The following TNR variants were observed in gnomAD, a reference collection of about 807,000 sequenced individuals.
The protein encoded by TNR is tenascin-R.
A neutral mutation model predicts 150.4 loss-of-function variants in TNR; 45 were observed. The ratio of observed to expected loss-of-function variants is 0.30; its 90% CI spans 0.24 to 0.38. The LOEUF (loss-of-function observed/expected upper bound fraction) is 0.38. TNR is among the 10% of genes least tolerant of loss of function. The pLI is 1.00. For missense variants in TNR, 1,544 were observed against 1,759.1 expected (o/e 0.88, Z 2.19); for synonymous variants, 687 against 678.4 (o/e 1.01, Z -0.20).
At chr1:175,741,760 G>A (rs911996627) in intron 1 of TNR, among the ~76,000 whole-genome samples, 4 of 152,292 alleles carry the variant, frequency 2.6e-5, no homozygotes, top group Non-Finnish European at 5.9e-5. Flanking sequence ...CCCAGCCAGA[G>A]GCAGAGAGTA....
At chr1:175,367,123 A>G in intron 10 of TNR, 85 bp downstream of exon 10, 1 of 1,236,636 alleles carries the variant, frequency 8.1e-7, no homozygotes, top group Non-Finnish European at 1.2e-6. Context: ...TTGCTTTCTG[A>G]TTAATTTTTG....
rs766024631 is a variant in TNR, at chr1:175,508,652, G to A, written c.-64+19617C>T. On this transcript the variant is annotated intron_variant, in intron 2 of 22. Coordinates refer to ENST00000367674, the MANE Select transcript of TNR (RefSeq NM_003285.3). ...TGAGAAGAGGCCCTCGAGGACCCATGGGTGTGCGTGGGAGCAAATCTTTCT... is the reference window on the plus strand; with the variant it reads ...TGAGAAGAGGCCCTCGAGGACCCATAGGTGTGCGTGGGAGCAAATCTTTCT... 7.2e-5 allele frequency among the ~76,000 whole-genome samples: 11 copies of A among 152,214 alleles called. 1 individual carries two copies. Among genetic ancestry groups the A allele is most frequent in the Admixed American group, 2.0e-4 (3 of 15,288 alleles).
rs550275244 is a variant in TNR at position 175,574,828 on chromosome 1, A to G, written c.-164-46459T>C. On this transcript the variant is annotated intron_variant, in intron 1 of 22. Transcript: ENST00000367674. ...AGGCACGGAAGGCAGATCAAAGGCC[A>G]AGAAAGCACATGAGCTCCGTTCTGC... 2.0e-5 allele frequency among the ~76,000 whole-genome samples: 3 copies of G among 152,380 alleles called. No homozygotes were observed. In the South Asian group the frequency reaches 6.2e-4, roughly 32 times the overall value.
rs1214824811 is a variant in TNR at position 175,321,264 on chromosome 1, C to T, written c.*2093G>A. On this transcript the variant is annotated 3_prime_UTR_variant, in exon 23 of 23. Transcript: ENST00000367674. ...GGTTATGCCTGTCACATCCACACTGCCGCAGTGAACAAAGCCTAGAAGCCT... is the reference window on the plus strand; with the variant it reads ...GGTTATGCCTGTCACATCCACACTGTCGCAGTGAACAAAGCCTAGAAGCCT... The T allele has an allele frequency of 6.6e-6, 1 of 152,228 alleles. No homozygotes were observed. Among genetic ancestry groups the T allele is most frequent in the Admixed American group, 6.5e-5 (1 of 15,280 alleles). The allele number at this position is 152,228 out of a possible 1,614,324, so 9.4% of individuals were successfully genotyped here. A position where few individuals can be genotyped will look rare whatever the true frequency, so the allele number is the denominator to read the frequency against.
rs114133151 is a variant in TNR, at chr1:175,619,252, T to G, written c.-164-90883A>C. Among the ~76,000 whole-genome samples the G allele has an allele frequency of 5.2e-3, 788 of 152,244 alleles. 5 individuals are homozygous for G. The highest frequency in any genetic ancestry group is 0.018 in the African/African-American group (765 of 41,534). ...GGGCAACCATGAGAGCAATGGACCA[T>G]GAGAGCATTGTCCATTCCTGTCCAA... On this transcript the variant is annotated intron_variant, in intron 1 of 22. Transcript: ENST00000367674.
Position 175,460,482 on chromosome 1 carries a change from G to A in TNR, c.-63-53705C>T, listed in dbSNP as rs938513386. Among the ~76,000 whole-genome samples the A allele has an allele frequency of 6.6e-5, 10 of 152,036 alleles. No homozygotes were observed. In the South Asian group the frequency reaches 1.9e-3, roughly 28 times the overall value. ...GTCAGCCCTTAGATTTCAAGGGGAT[G>A]AACACCGGACTCATGCTGAAATATT... On this transcript the variant is annotated intron_variant, in intron 2 of 22. Transcript: ENST00000367674.
At chr1:175,438,860 C>T (rs1443306053) in intron 2 of TNR, among the ~76,000 whole-genome samples, 1 of 152,022 alleles carries the variant, frequency 6.6e-6, no homozygotes, top group East Asian at 1.9e-4. Flanking sequence ...AACCACTGCT[C>T]AATGAAATAA....
intron 1 of TNR, among the ~76,000 whole-genome samples, chr1:175,536,875 G>A (rs922144022): frequency 6.6e-6 from 1 of 152,098 alleles, no homozygotes; most frequent in Admixed American, 6.5e-5. Flanking sequence ...TTCATGTTTG[G>A]GCCCCATATT....
chr1:175,727,353 G>T (rs1399836274), intron 1 of TNR, among the ~76,000 whole-genome samples: 1 of 152,196 alleles, frequency 6.6e-6, no homozygotes, highest in Non-Finnish European at 1.5e-5. Context: ...ATAGAAAAAG[G>T]ACCAGGAGAT....
chr1:175,709,308 T>TAA (rs1666931987), intron 1 of TNR, among the ~76,000 whole-genome samples: 1 of 127,762 alleles, frequency 7.8e-6, no homozygotes, highest in African/African-American at 3.1e-5. Flanking sequence ...CACACACACA[T>TAA]ACACACACAC....
chr1:175,438,679 G>C (rs1481222194), intron 2 of TNR, among the ~76,000 whole-genome samples: 1 of 152,188 alleles, frequency 6.6e-6, no homozygotes, highest in Non-Finnish European at 1.5e-5. Context: ...CTTCAGCAAA[G>C]TCTCAGGATA....
At chr1:175,331,118 C>CTTTCTTTCTTTCTCTCTCTTTCT (rs1649859729) in intron 20 of TNR, among the ~76,000 whole-genome samples, 1 of 107,266 alleles carries the variant, frequency 9.3e-6, no homozygotes, top group Non-Finnish European at 1.9e-5. Context: ...TCTTTCTTTT[C>CTTTCTTTCTTTCTCTCTCTTTCT]TTTCTTTCTT....
chr1:175,696,231 T>G (rs941926238), intron 1 of TNR, among the ~76,000 whole-genome samples: 13 of 145,326 alleles, frequency 8.9e-5, no homozygotes, highest in South Asian at 4.3e-4. Flanking sequence ...TTTTTTTTTT[T>G]TTTTTTTTTT....
chr1:175,372,160 T>A (rs533429504), intron 9 of TNR, among the ~76,000 whole-genome samples: 1 of 152,284 alleles, frequency 6.6e-6, no homozygotes, highest in Admixed American at 6.5e-5. Flanking sequence ...CCCGCATGAT[T>A]GTAAGCTTTC....
chr1:175,334,824 T>C (rs944406201), intron 20 of TNR, among the ~76,000 whole-genome samples: 5 of 152,258 alleles, frequency 3.3e-5, no homozygotes, highest in South Asian at 2.1e-4. Flanking sequence ...CTTGTGTTAA[T>C]TAAACTCTTT....
intron 1 of TNR, among the ~76,000 whole-genome samples, chr1:175,594,750 G>A (rs1405322126): frequency 6.6e-6 from 1 of 151,852 alleles, no homozygotes; most frequent in Non-Finnish European, 1.5e-5. Context: ...AGCTACTCAG[G>A]AGGCTGAGGT....
chr1:175,669,819 T>A (rs1040388613), intron 1 of TNR, among the ~76,000 whole-genome samples: 1 of 152,198 alleles, frequency 6.6e-6, no homozygotes, highest in African/African-American at 2.4e-5. Flanking sequence ...ATTGGTTTAA[T>A]GATGTCAGGA....
intron 2 of TNR, among the ~76,000 whole-genome samples, chr1:175,481,524 T>C (rs945259059): frequency 6.6e-6 from 1 of 152,018 alleles, no homozygotes; most frequent in Non-Finnish European, 1.5e-5. Context: ...CAGGACACTT[T>C]CCCAGCCCGT....
chr1:175,491,470 G>C (rs1169041300), intron 2 of TNR, among the ~76,000 whole-genome samples: 1 of 151,560 alleles, frequency 6.6e-6, no homozygotes, highest in Non-Finnish European at 1.5e-5. Flanking sequence ...TTCTTTACCT[G>C]CTTACAGGGA....
Sources: gnomAD v4.1 joint callset for allele counts (sites outside exome capture counted in the v4.1 genomes callset) on GRCh38, gnomAD v4.1.1 for gene constraint, MANE v1.5 for transcripts, NCBI Gene and HGNC (gene_info 2026-07-23, HGNC 2026-07-21) for gene names.